The following LIMA1 variants were observed in gnomAD, a reference collection of about 807,000 sequenced individuals.
LIMA1 encodes the protein LIM domain and actin binding 1, also known as LIM domain and actin-binding protein 1.
LIMA1 carries 52 observed loss-of-function variants against 62.6 expected under a neutral mutation model. That is an observed-to-expected ratio of 0.83 (90% CI 0.67 to 1.05). The LOEUF (loss-of-function observed/expected upper bound fraction) is 1.05, where lower values mean the gene tolerates loss of function less well. Ranked by LOEUF, LIMA1 falls within the 50% of genes least tolerant of loss-of-function variation. LIMA1 has a pLI of 0.00. For missense variants in LIMA1, 780 were observed against 902.2 expected (o/e 0.86, Z 1.74); for synonymous variants, 302 against 317.8 (o/e 0.95, Z 0.53).
intron 1 of LIMA1, among the ~76,000 whole-genome samples, chr12:50,279,936 T>C (rs1942318487): frequency 6.6e-6 from 1 of 152,104 alleles, no homozygotes; most frequent in Non-Finnish European, 1.5e-5. Context: ...AAGCGGATAT[T>C]GGGACTAATT....
intron 4 of LIMA1, among the ~76,000 whole-genome samples, chr12:50,209,654 A>C (rs2138507318): frequency 1.3e-5 from 2 of 151,680 alleles, no homozygotes; most frequent in Non-Finnish European, 2.9e-5. Context: ...CTCAATCCAC[A>C]TTTTTAATTT....
intron 9 of LIMA1, chr12:50,189,032 A>G (rs1940693513): frequency 6.6e-6 from 1 of 152,370 alleles, no homozygotes. Context: ...CTGACAAAGA[A>G]AGTGCTGATG....
chr12:50,260,548 T>G (rs1281662155), intron 1 of LIMA1, among the ~76,000 whole-genome samples: 1 of 152,212 alleles, frequency 6.6e-6, no homozygotes, highest in Non-Finnish European at 1.5e-5. Context: ...TAACCTCTAC[T>G]CTTCAAATTA....
chr12:50,208,209 G>C (rs1941188583), intron 4 of LIMA1, among the ~76,000 whole-genome samples: 1 of 152,144 alleles, frequency 6.6e-6, no homozygotes. Flanking sequence ...AGTTAGACTG[G>C]GCACGGTGGC....
chr12:50,251,459 A>G (rs1232177541), intron 1 of LIMA1, among the ~76,000 whole-genome samples: 1 of 152,042 alleles, frequency 6.6e-6, no homozygotes, highest in African/African-American at 2.4e-5. Flanking sequence ...AGACTCTACT[A>G]AAAATACAAA....
At chr12:50,260,338 G>A (rs781138647) in intron 1 of LIMA1, among the ~76,000 whole-genome samples, 2 of 151,884 alleles carry the variant, frequency 1.3e-5, no homozygotes, top group East Asian at 1.9e-4. Context: ...TAGTAGAGAC[G>A]AGGTTTCACC....
intron 10 of LIMA1, among the ~76,000 whole-genome samples, chr12:50,178,829 A>G (rs891229999): frequency 5.9e-5 from 9 of 152,038 alleles, no homozygotes; most frequent in Non-Finnish European, 8.8e-5. Context: ...ATTTCTGTGT[A>G]AGTGAAACTA....
intron 4 of LIMA1, among the ~76,000 whole-genome samples, chr12:50,209,843 G>C (rs894604148): frequency 6.6e-6 from 1 of 151,798 alleles, no homozygotes; most frequent in African/African-American, 2.4e-5. Flanking sequence ...TTGAGTTTTT[G>C]GTAGAGTTGG....
intron 10 of LIMA1, 152 bp from the exon 11 acceptor site, chr12:50,178,221 C>G: frequency 1.8e-6 from 1 of 566,088 alleles, no homozygotes; most frequent in African/African-American, 2.0e-5. Context: ...AATTCCTTAC[C>G]CCCATTTTAG....
rs1056245444 is a variant in LIMA1 at position 50,204,508 on chromosome 12, G to A, written c.864+44C>T. 6.3e-6 allele frequency: 10 copies of A among 1,586,240 alleles called. No homozygotes were observed. The African/African-American group carries it at 1.2e-4, about 19-fold the overall frequency. On this transcript the variant is annotated intron_variant, in intron 6 of 10. Coordinates refer to ENST00000341247, the MANE Select transcript of LIMA1 (RefSeq NM_016357.5). ...TTCCAGTACTCAGTGACCATCTGCTGGATGATGGAATGAATGAATGAATGA... is the reference window on the plus strand; with the variant it reads ...TTCCAGTACTCAGTGACCATCTGCTAGATGATGGAATGAATGAATGAATGA...
At chr12:50,247,073 C>G (rs1941860251) in intron 2 of LIMA1, among the ~76,000 whole-genome samples, 1 of 152,074 alleles carries the variant, frequency 6.6e-6, no homozygotes. Context: ...GAGTTTGAGG[C>G]TGCACTGAGC....
intron 2 of LIMA1, among the ~76,000 whole-genome samples, chr12:50,244,306 C>T (rs1201429340): frequency 2.6e-5 from 4 of 151,974 alleles, no homozygotes; most frequent in African/African-American, 7.2e-5. Flanking sequence ...GGTTTCACCA[C>T]GTTGGCCAGG....
intron 2 of LIMA1, among the ~76,000 whole-genome samples, chr12:50,239,723 C>T (rs544868186): frequency 5.3e-5 from 8 of 150,524 alleles, no homozygotes; most frequent in South Asian, 2.1e-4. Context: ...TGGATGAGTA[C>T]GATGGCTCAA....
intron 1 of LIMA1, among the ~76,000 whole-genome samples, chr12:50,263,318 A>T (rs1942094188): frequency 6.6e-6 from 1 of 152,198 alleles, no homozygotes; most frequent in African/African-American, 2.4e-5. Flanking sequence ...TGAATCTGCC[A>T]CTAATTAGTG....
chr12:50,241,199 ATCTG>A (rs1941771976), intron 2 of LIMA1, among the ~76,000 whole-genome samples: 1 of 152,214 alleles, frequency 6.6e-6, no homozygotes, highest in African/African-American at 2.4e-5. Flanking sequence ...GTACTAATAT[ATCTG>A]TCTAAGAGAT....
chr12:50,215,130 C>A (rs921880164), intron 4 of LIMA1, among the ~76,000 whole-genome samples: 1 of 152,206 alleles, frequency 6.6e-6, no homozygotes, highest in African/African-American at 2.4e-5. Flanking sequence ...GGTTGCCTTA[C>A]TCTCTAAAGA....
At chr12:50,280,574 G>A (rs1291513403) in intron 1 of LIMA1, among the ~76,000 whole-genome samples, 1 of 152,168 alleles carries the variant, frequency 6.6e-6, no homozygotes, top group Non-Finnish European at 1.5e-5. Flanking sequence ...GTTTTCACGT[G>A]TCAAGAAATC....
Position 50,275,202 on chromosome 12 carries a change from C to CA in LIMA1, c.-24+8217dup, listed in dbSNP as rs59086417. ...TGAAACCCTGTCTCTACTAATAATA[C>CA]AAAAAAAAAACAAAATTAGCCAGGC... On this transcript the variant is annotated intron_variant, in intron 1 of 10. Coordinates refer to ENST00000341247, the MANE Select transcript of LIMA1 (RefSeq NM_016357.5). 2.7e-3 allele frequency among the ~76,000 whole-genome samples: 389 copies of CA among 144,880 alleles called. 1 individual carries two copies. Among genetic ancestry groups the CA allele is most frequent in the African/African-American group, 7.7e-3 (302 of 39,456 alleles).
intron 2 of LIMA1, among the ~76,000 whole-genome samples, chr12:50,232,005 T>C (rs910857429): frequency 6.7e-5 from 10 of 149,980 alleles, no homozygotes; most frequent in African/African-American, 2.2e-4. Flanking sequence ...TGACCTCAAG[T>C]GATCCACCTG....
Sources: gnomAD v4.1 joint callset for allele counts (sites outside exome capture counted in the v4.1 genomes callset) on GRCh38, gnomAD v4.1.1 for gene constraint, MANE v1.5 for transcripts, NCBI Gene and HGNC (gene_info 2026-07-23, HGNC 2026-07-21) for gene names.